CSMD1: variants seen among roughly 807,000 people sequenced by gnomAD.
The protein encoded by CSMD1 is CUB and Sushi multiple domains 1.
CSMD1 carries 213 observed loss-of-function variants against 417.5 expected under a neutral mutation model. The ratio of observed to expected loss-of-function variants is 0.51; its 90% CI spans 0.46 to 0.57. The LOEUF is 0.57. CSMD1 is among the 20% of genes least tolerant of loss of function. The pLI is 0.00. For synonymous variants in CSMD1, 2,862 were observed against 1,736.8 expected (o/e 1.65, Z -16.11); for missense variants, 6,923 against 4,529.7 (o/e 1.53, Z -15.17).
At chr8:3,067,579 T>C (rs1231359038) in intron 49 of CSMD1, among the ~76,000 whole-genome samples, 1 of 151,056 alleles carries the variant, frequency 6.6e-6, no homozygotes, top group African/African-American at 2.4e-5. Flanking sequence ...GTCACCATCC[T>C]TCTCACCATA....
intron 2 of CSMD1, among the ~76,000 whole-genome samples, chr8:4,423,637 T>G (rs981809086): frequency 1.3e-5 from 2 of 152,038 alleles, no homozygotes; most frequent in East Asian, 1.9e-4. Flanking sequence ...ACTTCCAAAC[T>G]GATACACAGG....
chr8:3,395,701 C>T (rs1811649122), intron 17 of CSMD1, among the ~76,000 whole-genome samples: 1 of 152,118 alleles, frequency 6.6e-6, no homozygotes, highest in Non-Finnish European at 1.5e-5. Context: ...TAAGGTTTAG[C>T]AGGTTTTAAT....
At chr8:3,385,170 T>C (rs1164361206) in intron 18 of CSMD1, among the ~76,000 whole-genome samples, 1 of 137,226 alleles carries the variant, frequency 7.3e-6, no homozygotes, top group African/African-American at 2.7e-5. Context: ...ACATAATATA[T>C]AAATATATAG....
rs868575758 is a variant in CSMD1, at chr8:3,920,133, A to C, written c.818+77770T>G. Among the ~76,000 whole-genome samples the C allele has an allele frequency of 3.3e-4, 50 of 152,168 alleles. No individual in the cohort carries two copies. In the Middle Eastern group the frequency reaches 0.014, roughly 41 times the overall value. ...ACTGAAGTCATGACTTTCCACACTC[A>C]GGTGATCTTCCTGCCTTAGTCTTCT... On this transcript the variant is annotated intron_variant, in intron 5 of 69. Coordinates refer to ENST00000635120, the MANE Select transcript of CSMD1 (RefSeq NM_033225.6).
chr8:3,067,764 T>C (rs1469530337), intron 49 of CSMD1, among the ~76,000 whole-genome samples: 1 of 151,910 alleles, frequency 6.6e-6, no homozygotes, highest in African/African-American at 2.4e-5. Context: ...TTAATAATAA[T>C]AATTTTACAA....
chr8:4,217,828 T>G (rs938524927), intron 3 of CSMD1, among the ~76,000 whole-genome samples: 1 of 151,978 alleles, frequency 6.6e-6, no homozygotes, highest in Non-Finnish European at 1.5e-5. Context: ...TCAAGTAAGA[T>G]TCAAATGCAA....
At chr8:3,159,181 CA>C (rs1159217756) in intron 38 of CSMD1, among the ~76,000 whole-genome samples, 3 of 152,064 alleles carry the variant, frequency 2.0e-5, no homozygotes, top group African/African-American at 7.2e-5. Flanking sequence ...TCAAAAGTCT[CA>C]AAAAATTTTC....
At chr8:4,749,467 G>C (rs986921125) in intron 1 of CSMD1, among the ~76,000 whole-genome samples, 1 of 152,192 alleles carries the variant, frequency 6.6e-6, no homozygotes, top group Non-Finnish European at 1.5e-5. Context: ...GACCCTTCTT[G>C]AGAAAGGAAT....
At chr8:3,415,194 C>G (rs55748924) in intron 12 of CSMD1, among the ~76,000 whole-genome samples, 2 of 152,050 alleles carry the variant, frequency 1.3e-5, no homozygotes, top group East Asian at 3.9e-4. Flanking sequence ...AATATGTGTA[C>G]GTATCATAAT....
intron 25 of CSMD1, among the ~76,000 whole-genome samples, chr8:3,300,618 G>T (rs757347590): frequency 1.3e-5 from 2 of 151,992 alleles, no homozygotes; most frequent in African/African-American, 2.4e-5. Flanking sequence ...TATAAGCAAA[G>T]ATTTACTTAC....
intron 1 of CSMD1, among the ~76,000 whole-genome samples, chr8:4,900,727 C>T (rs570287499): frequency 9.2e-5 from 14 of 152,330 alleles, no homozygotes; most frequent in Admixed American, 2.0e-4. Flanking sequence ...CTTCCACTCA[C>T]GGAGTTAACT....
Position 3,118,457 on chromosome 8 carries a change from G to C in CSMD1, c.6372C>G (p.Val2124=). The C allele has an allele frequency of 6.2e-7, 1 of 1,613,860 alleles. No individual in the cohort carries two copies. The highest frequency in any genetic ancestry group is 8.5e-7 in the Non-Finnish European group (1 of 1,179,834). The change falls in exon 42 of 70, where the codon GTC becomes GTG. Residue 2124 remains valine, a synonymous_variant. Transcript: ENST00000635120. ...TGTTGATCCCATGCTGACAAGTGAG[G>C]ACAGGATGGCCTATTAGAATGTACC... is the stretch of plus-strand genomic sequence containing the variant. ...YPGYILIGHP[V]LTCQHGINRN...
chr8:4,803,728 T>A (rs1039585247), intron 1 of CSMD1, among the ~76,000 whole-genome samples: 4 of 152,244 alleles, frequency 2.6e-5, no homozygotes, highest in Non-Finnish European at 1.5e-5. Flanking sequence ...TCTAGTAACC[T>A]TTTAAAATAC....
intron 1 of CSMD1, among the ~76,000 whole-genome samples, chr8:4,835,036 C>A (rs1303623265): frequency 8.0e-6 from 1 of 124,324 alleles, no homozygotes; most frequent in Non-Finnish European, 1.7e-5. Context: ...ATTGGGGGAA[C>A]AAATGATGAC....
At chr8:4,174,970 G>A (rs979248721) in intron 3 of CSMD1, among the ~76,000 whole-genome samples, 7 of 151,012 alleles carry the variant, frequency 4.6e-5, no homozygotes, top group Admixed American at 2.0e-4. Flanking sequence ...AGTATTGATG[G>A]CTCTTTGAGA....
intron 2 of CSMD1, among the ~76,000 whole-genome samples, chr8:4,500,611 G>A (rs1418909644): frequency 6.6e-6 from 1 of 152,116 alleles, no homozygotes; most frequent in African/African-American, 2.4e-5. Flanking sequence ...TCGGGGAACT[G>A]GTTGTTTTTG....
At chr8:2,965,698 T>C (rs1464351093) in intron 59 of CSMD1, 77 bp downstream of exon 59, 2 of 1,355,302 alleles carry the variant, frequency 1.5e-6, no homozygotes, top group Non-Finnish European at 2.0e-6. Flanking sequence ...ACATAAATGC[T>C]TGCAAAATTA....
In CSMD1 at chr8:3,914,375, A is replaced by G. The variant is rs1387113065; in HGVS notation, c.818+83528T>C. 7.7e-4 allele frequency among the ~76,000 whole-genome samples: 117 copies of G among 152,200 alleles called. 1 individual carries two copies. Among genetic ancestry groups the G allele is most frequent in the South Asian group, 6.2e-4 (3 of 4,814 alleles). ...GTCCCATTACGTTGGATAGATGTAA[A>G]AACATACGGGTACAGATAAAGATGT... On this transcript the variant is annotated intron_variant, in intron 5 of 69. Coordinates refer to ENST00000635120, the MANE Select transcript of CSMD1 (RefSeq NM_033225.6).
chr8:4,960,594 C>G (rs550945259), intron 1 of CSMD1, among the ~76,000 whole-genome samples: 4 of 152,132 alleles, frequency 2.6e-5, no homozygotes, highest in African/African-American at 9.7e-5. Flanking sequence ...TAGAATAATG[C>G]CAGTGCATAC....
Sources: allele counts gnomAD v4.1 joint callset (sites outside exome capture counted in the v4.1 genomes callset), GRCh38; gene constraint gnomAD v4.1.1; transcripts MANE v1.5; gene names NCBI Gene and HGNC (gene_info 2026-07-23, HGNC 2026-07-21).